SEM1: variants seen among roughly 807,000 people sequenced by gnomAD.
The protein encoded by SEM1 is 26S proteasome complex subunit SEM1.
A neutral mutation model predicts 12.7 loss-of-function variants in SEM1; 3 were observed. That is an observed-to-expected ratio of 0.24 (90% CI 0.11 to 0.61). The LOEUF (loss-of-function observed/expected upper bound fraction) is 0.61, where lower values mean the gene tolerates loss of function less well. SEM1 is among the 20% of genes least tolerant of loss of function. The pLI is 0.88. For missense variants in SEM1, 59 were observed against 81.3 expected (o/e 0.73, Z 1.06); for synonymous variants, 30 against 27.8 (o/e 1.08, Z -0.25).
chr7:96,691,578 G>C (rs1197385142), intron 2 of SEM1, among the ~76,000 whole-genome samples: 1 of 152,198 alleles, frequency 6.6e-6, no homozygotes, highest in Non-Finnish European at 1.5e-5. Flanking sequence ...TCAGACAACA[G>C]TAAACTCCAT....
At chr7:96,530,994 C>A (rs79573585) in intron 2 of SEM1, among the ~76,000 whole-genome samples, 5 of 151,966 alleles carry the variant, frequency 3.3e-5, no homozygotes, top group East Asian at 3.9e-4. Context: ...CCAAAACAAT[C>A]AAAACTGTTG....
intron 2 of SEM1, among the ~76,000 whole-genome samples, chr7:96,547,189 T>C (rs1299619420): frequency 1.3e-5 from 2 of 152,122 alleles, no homozygotes; most frequent in Non-Finnish European, 2.9e-5. Flanking sequence ...GCATATGCAT[T>C]TTAGAATTGA....
At chr7:96,637,499 A>G (rs965574598) in intron 2 of SEM1, among the ~76,000 whole-genome samples, 7 of 152,034 alleles carry the variant, frequency 4.6e-5, no homozygotes, top group Admixed American at 2.0e-4. Flanking sequence ...TCTCATTGCT[A>G]GAAAGTCCTG....
Position 96,631,882 on chromosome 7 carries a change from A to G in SEM1, c.171-9239T>C, listed in dbSNP as rs189801852. On this transcript the variant is annotated intron_variant, in intron 2 of 2. Coordinates refer to the SEM1 transcript ENST00000417009. ...AGAAAAAAACAAACAATGCCATCAA[A>G]AGTGGGTGAATGAAATGAACAGACA... Among the ~76,000 whole-genome samples, 554 of 152,348 alleles carry G rather than the reference A, an allele frequency of 3.6e-3. 3 individuals are homozygous for G. Among genetic ancestry groups the G allele is most frequent in the African/African-American group, 0.013 (523 of 41,580 alleles).
chr7:96,633,285 A>AATAT (rs1400806867), intron 2 of SEM1, among the ~76,000 whole-genome samples: 4 of 150,588 alleles, frequency 2.7e-5, no homozygotes, highest in East Asian at 1.9e-4. Flanking sequence ...GATGGTTCTA[A>AATAT]ATATATATAT....
intron 2 of SEM1, chr7:96,656,694 A>G (rs1809191609): frequency 6.6e-6 from 1 of 152,098 alleles, no homozygotes; most frequent in African/African-American, 2.4e-5. Context: ...ATTTAGTGGT[A>G]AAAGATGAAG....
intron 1 of SEM1, chr7:96,486,556 A>G (rs1802779254): frequency 1.5e-6 from 1 of 673,666 alleles, no homozygotes; most frequent in Admixed American, 2.6e-5. Context: ...GGGGAAACCA[A>G]AAGCAGTGTA....
chr7:96,547,717 C>T (rs921001324), intron 2 of SEM1, among the ~76,000 whole-genome samples: 1 of 152,074 alleles, frequency 6.6e-6, no homozygotes, highest in Non-Finnish European at 1.5e-5. Flanking sequence ...TTGCACAGAG[C>T]TTGTTGTGGT....
intron 2 of SEM1, among the ~76,000 whole-genome samples, chr7:96,664,801 T>A (rs889595124): frequency 9.2e-5 from 14 of 152,176 alleles, no homozygotes; most frequent in Admixed American, 8.5e-4. Flanking sequence ...AACCAAGTGT[T>A]CATTAATGGT....
At chr7:96,563,488 T>C (rs751173512) in intron 2 of SEM1, among the ~76,000 whole-genome samples, 1 of 152,158 alleles carries the variant, frequency 6.6e-6, no homozygotes, top group Non-Finnish European at 1.5e-5. Context: ...AATATGACTA[T>C]ATTTTTCTCC....
chr7:96,666,836 C>T (rs1789185221), intron 2 of SEM1, among the ~76,000 whole-genome samples: 1 of 151,960 alleles, frequency 6.6e-6, no homozygotes, highest in Admixed American at 6.6e-5. Flanking sequence ...CGTCCGGATC[C>T]CTGCAGAGCA....
intron 2 of SEM1, among the ~76,000 whole-genome samples, chr7:96,678,810 GTATA>G (rs1462417735): frequency 6.6e-6 from 1 of 152,088 alleles, no homozygotes; most frequent in African/African-American, 2.4e-5. Flanking sequence ...AAAAATAAAA[GTATA>G]TATGCTCTCT....
chr7:96,592,045 G>GA (rs1017280892), intron 2 of SEM1, among the ~76,000 whole-genome samples: 1 of 152,040 alleles, frequency 6.6e-6, no homozygotes, highest in Non-Finnish European at 1.5e-5. Context: ...GACAAGAGGG[G>GA]ATGCCAGTAG....
intron 2 of SEM1, chr7:96,673,906 T>G (rs762610138): frequency 1.3e-6 from 1 of 756,128 alleles, no homozygotes; most frequent in Non-Finnish European, 2.4e-6. Context: ...ATCAAGCCAC[T>G]GTGATCTGTG....
chr7:96,695,450 G>A (rs1177369322), intron 1 of SEM1: 1 of 151,846 alleles, frequency 6.6e-6, no homozygotes, highest in Non-Finnish European at 1.5e-5. Flanking sequence ...TCCTCCCTTT[G>A]GTAGTGGTAG....
At chr7:96,617,032 CT>C (rs575334377) in intron 2 of SEM1, among the ~76,000 whole-genome samples, 159 of 152,076 alleles carry the variant, frequency 1.0e-3, no homozygotes, top group African/African-American at 3.7e-3. Context: ...TATTCAGGCT[CT>C]TTTTTTGGTT....
At chr7:96,501,970 C>T (rs990536194) in intron 3 of SEM1, among the ~76,000 whole-genome samples, 78 of 152,154 alleles carry the variant, frequency 5.1e-4, no homozygotes, top group African/African-American at 1.8e-3. Flanking sequence ...CAAGTGAGAA[C>T]ATGTGGAATT....
intron 1 of SEM1, among the ~76,000 whole-genome samples, chr7:96,487,667 G>T (rs1440443961): frequency 2.7e-5 from 4 of 150,072 alleles, no homozygotes; most frequent in Admixed American, 2.0e-4. Flanking sequence ...ACTTGCCCAG[G>T]ACTACATGGC....
exon 4 of SEM1, chr7:96,482,816 G>A (rs765206205): frequency 2.6e-5 from 4 of 152,138 alleles, no homozygotes; most frequent in Non-Finnish European, 5.9e-5. Flanking sequence ...AGTGTTAGAG[G>A]CAGTAGAGGA....
Sources: allele counts gnomAD v4.1 joint callset (sites outside exome capture counted in the v4.1 genomes callset), GRCh38; gene constraint gnomAD v4.1.1; transcripts MANE v1.5; gene names NCBI Gene and HGNC (gene_info 2026-07-23, HGNC 2026-07-21).